The following UNC5C variants were observed in gnomAD, a reference collection of about 807,000 sequenced individuals.
UNC5C encodes the protein unc-5 netrin receptor C.
Under a neutral mutation model 99.8 loss-of-function variants are expected in UNC5C, and 47 were observed. The ratio of observed to expected loss-of-function variants is 0.47; its 90% CI spans 0.37 to 0.60. The LOEUF is 0.60. UNC5C is among the 20% of genes least tolerant of loss of function. The pLI, the probability that UNC5C is intolerant of heterozygous loss-of-function variation, is 0.00. For missense variants in UNC5C, 1,062 were observed against 1,165.9 expected, an observed-to-expected ratio of 0.91 and a Z score of 1.30; for synonymous variants, 487 against 452.2, an observed-to-expected ratio of 1.08 and a Z score of -0.98.
At chr4:95,523,576 G>GA (rs199738934) in intron 1 of UNC5C, among the ~76,000 whole-genome samples, 1,588 of 151,986 alleles carry the variant, frequency 0.01, 11 homozygotes, top group African/African-American at 0.021. Flanking sequence ...GGGAGAGAGA[G>GA]AAAAAATAAT....
At chr4:95,284,935 T>C (rs768674401) in intron 3 of UNC5C, among the ~76,000 whole-genome samples, 1 of 152,132 alleles carries the variant, frequency 6.6e-6, no homozygotes, top group Non-Finnish European at 1.5e-5. Context: ...AATAGGAAAG[T>C]GGAGGCTCTA....
At chr4:95,446,355 T>C (rs1468948160) in intron 1 of UNC5C, among the ~76,000 whole-genome samples, 2 of 152,196 alleles carry the variant, frequency 1.3e-5, no homozygotes, top group African/African-American at 4.8e-5. Flanking sequence ...CATATGGTGA[T>C]AGACTCTGAG....
Position 95,545,772 on chromosome 4 carries a change from G to GCGCACACACACACACACACACA in UNC5C, c.124+2961_124+2962insTGTGTGTGTGTGTGTGTGTGCG, listed in dbSNP as rs6148582. ...TGATCTCACACACACGCGCGCGCGC[G>GCGCACACACACACACACACACA]CACACACACACACACACACACACTG... On this transcript the variant is annotated intron_variant, in intron 1 of 15. Coordinates refer to ENST00000453304, the MANE Select transcript of UNC5C (RefSeq NM_003728.4). Among the ~76,000 whole-genome samples the GCGCACACACACACACACACACA allele has an allele frequency of 2.0e-4, 29 of 148,400 alleles. No individual in the cohort carries two copies. The South Asian group carries it at 2.3e-3, about 12-fold the overall frequency.
At chr4:95,173,929 G>T (rs1409773276) in intron 14 of UNC5C, among the ~76,000 whole-genome samples, 4 of 151,916 alleles carry the variant, frequency 2.6e-5, no homozygotes, top group African/African-American at 9.7e-5. Flanking sequence ...TCCTGTTATT[G>T]GTCTATTCAG....
Position 95,301,102 on chromosome 4 carries a change from T to G in UNC5C, c.490+504A>C, listed in dbSNP as rs112556380. On this transcript the variant is annotated intron_variant, in intron 3 of 15. Coordinates refer to ENST00000453304, the MANE Select transcript of UNC5C (RefSeq NM_003728.4). ...CTATGTACCCACAAAAATTAAAAAATAAAAAAGAAAATTAAAAATAAAATG... is the reference window on the plus strand; with the variant it reads ...CTATGTACCCACAAAAATTAAAAAAGAAAAAAGAAAATTAAAAATAAAATG... Among the ~76,000 whole-genome samples, 634 of 148,380 alleles carry G rather than the reference T, an allele frequency of 4.3e-3. 6 individuals are homozygous for G. The highest frequency in any genetic ancestry group is 0.013 in the African/African-American group (536 of 40,342).
intron 1 of UNC5C, among the ~76,000 whole-genome samples, chr4:95,362,238 T>C (rs544857568): frequency 6.6e-6 from 1 of 152,238 alleles, no homozygotes; most frequent in Admixed American, 6.6e-5. Flanking sequence ...GGTTTCCCAC[T>C]CGCTTCCCCT....
chr4:95,524,963 C>T (rs966653835), intron 1 of UNC5C, among the ~76,000 whole-genome samples: 1 of 152,052 alleles, frequency 6.6e-6, no homozygotes, highest in Non-Finnish European at 1.5e-5. Context: ...AAGTCAGTTC[C>T]CCATCTGGGT....
chr4:95,295,775 T>C lies in UNC5C; in HGVS notation c.490+5831A>G, dbSNP rs113400401. Among the ~76,000 whole-genome samples the C allele has an allele frequency of 3.6e-3, 543 of 152,298 alleles. 7 individuals are homozygous for C. Among genetic ancestry groups the C allele is most frequent in the African/African-American group, 0.013 (521 of 41,578 alleles). On this transcript the variant is annotated intron_variant, in intron 3 of 15. Coordinates refer to ENST00000453304, the MANE Select transcript of UNC5C (RefSeq NM_003728.4). ...GGGCAGAGCACCACAGTTCACTTGA[T>C]ACAGGACAGAGTAGAAAACCCATAA... is the stretch of plus-strand genomic sequence containing the variant.
chr4:95,218,170 TACTC>T (rs1460543767), intron 9 of UNC5C, among the ~76,000 whole-genome samples: 4 of 152,096 alleles, frequency 2.6e-5, no homozygotes, highest in East Asian at 1.9e-4. Flanking sequence ...ATTTACAAAA[TACTC>T]ACAGCCTTGC....
At chr4:95,353,370 G>A in intron 1 of UNC5C, among the ~76,000 whole-genome samples, 1 of 151,808 alleles carries the variant, frequency 6.6e-6, no homozygotes, top group African/African-American at 2.4e-5. Flanking sequence ...TAAATTACCT[G>A]AATATAATCT....
At chr4:95,171,223 TTC>T (rs1182039752) in intron 14 of UNC5C, among the ~76,000 whole-genome samples, 1 of 151,762 alleles carries the variant, frequency 6.6e-6, no homozygotes, top group African/African-American at 2.4e-5. Flanking sequence ...TATTTTTTTT[TTC>T]TTTTTTATTT....
intron 1 of UNC5C, among the ~76,000 whole-genome samples, chr4:95,424,700 T>G (rs1746425666): frequency 7.3e-6 from 1 of 136,960 alleles, no homozygotes. Flanking sequence ...TTTTTTGTAT[T>G]TTTTAGTAGA....
chr4:95,201,029 G>A (rs1300454194), intron 12 of UNC5C, among the ~76,000 whole-genome samples: 1 of 152,184 alleles, frequency 6.6e-6, no homozygotes, highest in Non-Finnish European at 1.5e-5. Flanking sequence ...TCCACCACGT[G>A]AGGACACAGC....
In UNC5C at chr4:95,496,091, A is replaced by G. The variant is rs937072236; in HGVS notation, c.124+52643T>C. On this transcript the variant is annotated intron_variant, in intron 1 of 15. Transcript: ENST00000453304. The stretch of plus-strand genomic sequence containing the variant: ...CAACTAACTGAAACATCTGAGGACT[A>G]GAAGATTACACTACTCTGAAGAAAA... Among the ~76,000 whole-genome samples the G allele has an allele frequency of 7.2e-5, 11 of 151,952 alleles. No homozygotes were observed. In the South Asian group the frequency reaches 2.1e-3, roughly 29 times the overall value.
intron 1 of UNC5C, among the ~76,000 whole-genome samples, chr4:95,343,659 G>T (rs1288782048): frequency 6.6e-6 from 1 of 152,022 alleles, no homozygotes; most frequent in Non-Finnish European, 1.5e-5. Flanking sequence ...CAAAATAACT[G>T]CTTTGAGGAA....
At chr4:95,499,049 G>A (rs1283659293) in intron 1 of UNC5C, among the ~76,000 whole-genome samples, 1 of 151,992 alleles carries the variant, frequency 6.6e-6, no homozygotes, top group African/African-American at 2.4e-5. Context: ...CTTTACAGGA[G>A]ACCTGATGAA....
At chr4:95,185,468 G>A (rs530146617) in intron 12 of UNC5C, among the ~76,000 whole-genome samples, 5 of 152,132 alleles carry the variant, frequency 3.3e-5, no homozygotes, top group East Asian at 1.9e-4. Flanking sequence ...GCCCTTTACC[G>A]ACTGATGAGT....
At chr4:95,228,723 C>T (rs1698778068) in intron 7 of UNC5C, among the ~76,000 whole-genome samples, 1 of 152,146 alleles carries the variant, frequency 6.6e-6, no homozygotes, top group African/African-American at 2.4e-5. Flanking sequence ...AGGCACCTGG[C>T]TTAATTTGTA....
chr4:95,398,272 A>G (rs552571144), intron 1 of UNC5C, among the ~76,000 whole-genome samples: 2 of 152,194 alleles, frequency 1.3e-5, no homozygotes, highest in African/African-American at 2.4e-5. Context: ...TCTATTGCTG[A>G]ATAATTGAGT....
Sources: allele counts gnomAD v4.1 joint callset (sites outside exome capture counted in the v4.1 genomes callset), GRCh38; gene constraint gnomAD v4.1.1; transcripts MANE v1.5; gene names NCBI Gene and HGNC (gene_info 2026-07-23, HGNC 2026-07-21).